Variants in CHRD observed in about 807,000 individuals in gnomAD.
CHRD encodes chordin.
In CHRD, 69 loss-of-function variants were observed where a neutral mutation model predicts 113.7. That is an observed-to-expected ratio of 0.61 (90% CI 0.50 to 0.74). The LOEUF is 0.74. Among genes scored for constraint, CHRD ranks in the 30% least tolerant of loss-of-function variants. The probability of loss-of-function intolerance (pLI) is 0.00; values close to 1 mark genes in which losing one functional copy is unlikely to be tolerated. For synonymous variants in CHRD, 561 were observed against 540.8 expected, an observed-to-expected ratio of 1.04 and a Z score of -0.52; for missense variants, 1,194 against 1,295.8, an observed-to-expected ratio of 0.92 and a Z score of 1.21.
Position 184,381,685 on chromosome 3 carries a change from C to T in CHRD, c.512-31C>T. On this transcript the variant is annotated intron_variant, in intron 4 of 22. Coordinates refer to ENST00000204604, the Ensembl canonical transcript of CHRD. The surrounding 1 kb of genome is among the most constrained non-coding windows in gnomAD (Gnocchi z 4.7). ...GCTGGGCCACCAAAGCGGCGTTTGA[C>T]AGTGCTCAGGCCATCTTCCTCCCGT... The T allele has an allele frequency of 6.2e-7, 1 of 1,609,698 alleles. No individual in the cohort carries two copies. Among genetic ancestry groups the T allele is most frequent in the Non-Finnish European group, 8.5e-7 (1 of 1,178,204 alleles).
exon 14 of CHRD, chr3:184,385,213 T>C: frequency 1.2e-6 from 2 of 1,613,902 alleles, no homozygotes; most frequent in Non-Finnish European, 1.7e-6. Flanking sequence ...CCTCGGCGGC[T>C]GCTGAAGGGA....
In CHRD at chr3:184,388,257, A is replaced by C. The variant is rs1175785346; in HGVS notation, c.2554+224A>C. ...CATCCGTCCATCCATCCATCCATCC[A>C]TCCATCCATCCATCCATCCATCCAT... On this transcript the variant is annotated intron_variant, in intron 20 of 22. Transcript: ENST00000204604. The surrounding 1 kb of genome is among the most constrained non-coding windows in gnomAD (Gnocchi z 6.1). Among the ~76,000 whole-genome samples, 1 of 151,076 alleles carries C rather than the reference A, an allele frequency of 6.6e-6. No individual in the cohort carries two copies. Among genetic ancestry groups the C allele is most frequent in the Non-Finnish European group, 1.5e-5 (1 of 67,816 alleles).
rs756521621 is a variant in CHRD at position 184,384,672 on chromosome 3, G to T, written c.1576G>T (p.Gly526Trp). Residue 526 changes from glycine to tryptophan, a missense_variant, in exon 13 of 23, where the codon GGG becomes TGG. Gly to Trp is a radical substitution (Grantham distance 184, BLOSUM62 -2). Transcript: ENST00000204604. This position sits in a 1 kb window ranked among gnomAD's most constrained non-coding sequence, Gnocchi z 4.4. ...GCACGTGGCTGCCCTGCCCTACTGT[G>T]GGCATAGCGCCCGCCATGACAGTGA... 1 of 1,576,540 alleles carries T rather than the reference G, an allele frequency of 6.3e-7. No homozygotes were observed.
chr3:184,383,507 C>T lies in CHRD; in HGVS notation c.1321-16C>T, dbSNP rs1715800012. On this transcript the variant is annotated splice_polypyrimidine_tract_variant and intron_variant, in intron 11 of 22. Transcript: ENST00000204604. ...ACTGCCTCTCCACTTTGCCCTCCTC[C>T]ATCCCTGCCCATCAGGTGCAAGTGG... The T allele has an allele frequency of 6.2e-7, 1 of 1,613,592 alleles. No individual in the cohort carries two copies. Among genetic ancestry groups the T allele is most frequent in the Admixed American group, 1.7e-5 (1 of 59,966 alleles).
chr3:184,390,368 T>C (rs2108668427), downstream of CHRD: 1 of 152,080 alleles, frequency 6.6e-6, no homozygotes, highest in Admixed American at 6.6e-5. Flanking sequence ...CCTTCCAAAG[T>C]GTTGGGATTA....
In CHRD at chr3:184,388,137, C is replaced by G; in HGVS notation, c.2554+104C>G. ...AGTTAATTGAGCATTATACTGAGCA[C>G]TGCTCTGTGCCTAGCCTGGAGCCAG... On this transcript the variant is annotated intron_variant, in intron 20 of 22. Coordinates refer to ENST00000204604, the Ensembl canonical transcript of CHRD. The surrounding 1 kb of genome is among the most constrained non-coding windows in gnomAD (Gnocchi z 6.1). The G allele has an allele frequency of 8.5e-6, 8 of 946,062 alleles. No homozygotes were observed. The highest frequency in any genetic ancestry group is 1.3e-5 in the Non-Finnish European group (8 of 599,388). 58.6% of individuals were successfully genotyped at this position (946,062 alleles called of 1,614,324 possible). A position where few individuals can be genotyped will look rare whatever the true frequency, so the allele number is the denominator to read the frequency against.
Position 184,381,547 on chromosome 3 carries a change from G to C in CHRD, c.434G>C (p.Arg145Pro). ...AGCGGCCTGTCCTTCGAGTATCCGC[G>C]GGACCCGGAGCATCGCAGTTATAGC... Residue 145 changes from arginine to proline, a missense_variant, in exon 4 of 23, where the codon CGG becomes CCG. Transcript: ENST00000204604. The surrounding 1 kb of genome is among the most constrained non-coding windows in gnomAD (Gnocchi z 4.7). 6.2e-7 allele frequency: 1 copy of C among 1,608,142 alleles called. No individual in the cohort carries two copies. Among genetic ancestry groups the C allele is most frequent in the Non-Finnish European group, 8.5e-7 (1 of 1,177,826 alleles).
intron 12 of CHRD, 133 bp downstream of exon 12, chr3:184,383,775 C>CA: frequency 2.3e-6 from 1 of 426,062 alleles, no homozygotes; most frequent in Non-Finnish European, 3.8e-6. Flanking sequence ...ATTCATTTGA[C>CA]TTTTTTTTTT....
chr3:184,380,940 C>A lies in CHRD; in HGVS notation c.252+145C>A. 3 of 758,714 alleles carry A rather than the reference C, an allele frequency of 4.0e-6. No homozygotes were observed. The highest frequency in any genetic ancestry group is 1.5e-5 in the South Asian group (1 of 66,888). The allele number at this position is 758,714 out of a possible 1,614,324, so 47.0% of individuals were successfully genotyped here. Reference sequence around the variant, plus strand: ...TTTCTGGTGGAGGAAGGGGAATCAGCCCCTCCAATTCTTAGGTGCTGTTAC... The same window carrying A: ...TTTCTGGTGGAGGAAGGGGAATCAGACCCTCCAATTCTTAGGTGCTGTTAC... On this transcript the variant is annotated intron_variant, in intron 2 of 22. Transcript: ENST00000204604. The surrounding 1 kb of genome is among the most constrained non-coding windows in gnomAD (Gnocchi z 6.3).
chr3:184,384,553 C>T lies in CHRD; in HGVS notation c.1457C>T (p.Pro486Leu), dbSNP rs146324922. 72 of 1,576,878 alleles carry T rather than the reference C, an allele frequency of 4.6e-5. No homozygotes were observed. The highest frequency in any genetic ancestry group is 5.9e-5 in the Non-Finnish European group (69 of 1,162,306). ...TGCCCCCAGGCCGTGGGTATCTGCC[C>T]TGGGCTGGGTGCCCGAGGGGCTCAT... Residue 486 changes from proline to leucine, a missense_variant, in exon 13 of 23, where the codon CCT (proline) becomes CTT (leucine). Physicochemically the swap from Pro to Leu is moderately conservative, Grantham distance 98 (BLOSUM62 -3). Transcript: ENST00000204604. This position sits in a 1 kb window ranked among gnomAD's most constrained non-coding sequence, Gnocchi z 4.4.
In CHRD at chr3:184,381,247, C is replaced by G. The variant is rs756571427; in HGVS notation, c.265C>G (p.Arg89Gly). 3.2e-5 allele frequency: 52 copies of G among 1,613,152 alleles called. No individual in the cohort carries two copies. Among genetic ancestry groups the G allele is most frequent in the Non-Finnish European group, 3.8e-5 (45 of 1,179,962 alleles). Residue 89 changes from arginine to glycine, a missense_variant, in exon 3 of 23, where the codon CGC becomes GGC. Physicochemically the swap from Arg to Gly is moderately radical, Grantham distance 125. Coordinates refer to ENST00000204604, the Ensembl canonical transcript of CHRD. This position sits in a 1 kb window ranked among gnomAD's most constrained non-coding sequence, Gnocchi z 4.7. ...TTTCCGGGAGCAGCCTCAGTGGGGT[C>G]GCCGTACCAGGGGCCCTGGCAGGGT...
Position 184,384,457 on chromosome 3 carries a change from TG to T in CHRD, c.1441-75del. ...TGTGTGGAAGTGTGTGTGGGTGGAGTGGGGGCACAAAATGGTCCAAGACTTC... is the reference window on the plus strand; with the variant it reads ...TGTGTGGAAGTGTGTGTGGGTGGAGTGGGGCACAAAATGGTCCAAGACTTC... On this transcript the variant is annotated intron_variant, in intron 12 of 22. Coordinates refer to ENST00000204604, the Ensembl canonical transcript of CHRD. This position sits in a 1 kb window ranked among gnomAD's most constrained non-coding sequence, Gnocchi z 4.4. The T allele has an allele frequency of 6.6e-6, 9 of 1,356,156 alleles. No homozygotes were observed. Among genetic ancestry groups the T allele is most frequent in the Non-Finnish European group, 6.7e-6 (7 of 1,050,774 alleles). The allele number at this position is 1,356,156 out of a possible 1,614,324, so 84.0% of individuals were successfully genotyped here. A position where few individuals can be genotyped will look rare whatever the true frequency, so the allele number is the denominator to read the frequency against.
In CHRD at chr3:184,386,558, C is replaced by T. The variant is rs902240288; in HGVS notation, c.1999C>T (p.Arg667Trp). ...GGAGGCGGCCGGGGCCGAGGGGGTG[C>T]GGGCGCTGGGGGCTCCGGATACAGC... The change falls in exon 16 of 23, where the codon CGG becomes TGG. Residue 667 changes from arginine (R) to tryptophan (W), a missense_variant. Physicochemically the swap from Arg to Trp is moderately radical, Grantham distance 101. Coordinates refer to ENST00000204604, the Ensembl canonical transcript of CHRD. 1.1e-5 allele frequency: 17 copies of T among 1,543,816 alleles called. No individual in the cohort carries two copies. The highest frequency in any genetic ancestry group is 9.5e-5 in the East Asian group (4 of 41,988).
chr3:184,381,306 C>G lies in CHRD; in HGVS notation c.324C>G (p.Thr108=). 2 of 1,611,316 alleles carry G rather than the reference C, an allele frequency of 1.2e-6. No individual in the cohort carries two copies. The highest frequency in any genetic ancestry group is 1.3e-5 in the African/African-American group (1 of 75,012). The stretch of plus-strand genomic sequence containing the variant: ...AGAACATCAAACCAGAGTGCCCAAC[C>G]CCGGCCTGTGGGCAGCCGCGCCAGC... Residue 108 remains threonine, a synonymous_variant, in exon 3 of 23, where the codon ACC becomes ACG. Coordinates refer to ENST00000204604, the Ensembl canonical transcript of CHRD. This position sits in a 1 kb window ranked among gnomAD's most constrained non-coding sequence, Gnocchi z 4.7.
Position 184,386,954 on chromosome 3 carries a change from G to A in CHRD, c.2290+16G>A. The A allele has an allele frequency of 2.5e-6, 4 of 1,614,236 alleles. No individual in the cohort carries two copies. The highest frequency in any genetic ancestry group is 3.4e-6 in the Non-Finnish European group (4 of 1,180,028). On this transcript the variant is annotated intron_variant, in intron 17 of 22. Coordinates refer to ENST00000204604, the Ensembl canonical transcript of CHRD. ...GTTTGCCCTGGTGAGTTCCCCGCAG[G>A]GGAGTGGAGGGAGGAGTTGGCCCAG...
In CHRD at chr3:184,381,444, T is replaced by C; in HGVS notation, c.383-52T>C. 3 of 1,595,528 alleles carry C rather than the reference T, an allele frequency of 1.9e-6. No homozygotes were observed. In the Admixed American group the frequency reaches 5.1e-5, roughly 27 times the overall value. ...GGGCCACTTGGATGGGGCGTCGGAC[T>C]GGCCTTTCCCATGGCCAGCTGAAGC... On this transcript the variant is annotated intron_variant, in intron 3 of 22. Coordinates refer to ENST00000204604, the Ensembl canonical transcript of CHRD. The surrounding 1 kb of genome is among the most constrained non-coding windows in gnomAD (Gnocchi z 4.7).
chr3:184,381,902 A>G lies in CHRD; in HGVS notation c.612-31A>G, dbSNP rs776095668. On this transcript the variant is annotated intron_variant, in intron 5 of 22. Coordinates refer to ENST00000204604, the Ensembl canonical transcript of CHRD. The surrounding 1 kb of genome is among the most constrained non-coding windows in gnomAD (Gnocchi z 4.7). Reference sequence around the variant, plus strand: ...AGCTGGGAGGGGCTGCTTTTGGCTCAGTCCGGCCTCACCCGACCTCTCATT... The same window carrying G: ...AGCTGGGAGGGGCTGCTTTTGGCTCGGTCCGGCCTCACCCGACCTCTCATT... The G allele has an allele frequency of 3.7e-6, 6 of 1,613,514 alleles. No individual in the cohort carries two copies. The highest frequency in any genetic ancestry group is 5.1e-6 in the Non-Finnish European group (6 of 1,179,882).
chr3:184,381,955 C>A lies in CHRD; in HGVS notation c.634C>A (p.Arg212Ser). Residue 212 changes from arginine to serine, a missense_variant, in exon 6 of 23, where the codon CGC (arginine) becomes AGC (serine). By Grantham distance (110) the Arg-to-Ser change is moderately radical. Coordinates refer to ENST00000204604, the Ensembl canonical transcript of CHRD. This position sits in a 1 kb window ranked among gnomAD's most constrained non-coding sequence, Gnocchi z 4.7. ...CAGGCTGGACCGCCCTACCAGGATC[C>A]GCTTCTCAGACTCCAATGGCAGTGT... 1 of 1,614,158 alleles carries A rather than the reference C, an allele frequency of 6.2e-7. No homozygotes were observed. The highest frequency in any genetic ancestry group is 8.5e-7 in the Non-Finnish European group (1 of 1,180,028).
rs58542381 is a variant in CHRD at position 184,384,791 on chromosome 3, A to C, written c.1597+98A>C. 0.089 allele frequency: 128,401 copies of C among 1,439,302 alleles called. 6,735 individuals carry two copies. The highest frequency in any genetic ancestry group is 0.22 in the Admixed American group (8,899 of 39,928). The allele number at this position is 1,439,302 out of a possible 1,614,324, so 89.2% of individuals were successfully genotyped here. On this transcript the variant is annotated intron_variant, in intron 13 of 22. Transcript: ENST00000204604. This position sits in a 1 kb window ranked among gnomAD's most constrained non-coding sequence, Gnocchi z 4.4. Reference sequence around the variant, plus strand: ...GCCTGGTGTGTCTTTCTTTGTGCCTAAGCTCCGGTTGCCATCTGAAGGTGG... The same window carrying C: ...GCCTGGTGTGTCTTTCTTTGTGCCTCAGCTCCGGTTGCCATCTGAAGGTGG...
Sources: gnomAD v4.1 joint callset for allele counts (sites outside exome capture counted in the v4.1 genomes callset) on GRCh38, gnomAD v4.1.1 for gene constraint, Gnocchi (gnomAD v3.1) non-coding constraint, MANE v1.5 for transcripts, NCBI Gene and HGNC (gene_info 2026-07-23, HGNC 2026-07-21) for gene names.